Variants in XKR9 observed in about 807,000 individuals in gnomAD.
XKR9 encodes the protein XK-related protein 9.
XKR9 carries 32 observed loss-of-function variants against 32.0 expected under a neutral mutation model. The observed-to-expected ratio is 1.00, with a 90% CI of 0.76 to 1.34. XKR9 has a LOEUF of 1.34. Ranked by LOEUF, XKR9 falls within the 40% of genes most tolerant of loss-of-function variation. XKR9 has a pLI of 0.00. For synonymous variants in XKR9, 168 were observed against 143.4 expected, an observed-to-expected ratio of 1.17 and a Z score of -1.22; for missense variants, 546 against 429.7, an observed-to-expected ratio of 1.27 and a Z score of -2.39.
At chr8:70,949,615 C>T in the XKR9 span, among the ~76,000 whole-genome samples, 5 of 151,284 alleles carry the variant, frequency 3.3e-5, no homozygotes, top group Non-Finnish European at 5.9e-5. Flanking sequence ...TGTTGGGTGG[C>T]GAGGTTTGAT....
chr8:70,857,380 T>C, the XKR9 span, among the ~76,000 whole-genome samples: 1 of 152,038 alleles, frequency 6.6e-6, no homozygotes, highest in Non-Finnish European at 1.5e-5. Context: ...CTAGAAGAAA[T>C]GGATAAATTC....
At chr8:70,716,697 C>T (rs1554549330) in intron 4 of XKR9, among the ~76,000 whole-genome samples, 2 of 152,096 alleles carry the variant, frequency 1.3e-5, no homozygotes, top group Non-Finnish European at 2.9e-5. Context: ...CAAAGCCAAA[C>T]CATATCATTC....
intron 2 of XKR9, among the ~76,000 whole-genome samples, chr8:70,784,022 G>A (rs1232696819): frequency 6.6e-6 from 1 of 152,080 alleles, no homozygotes; most frequent in Non-Finnish European, 1.5e-5. Flanking sequence ...ATATACATGA[G>A]TTTATTTCTG....
chr8:70,924,671 AG>A, the XKR9 span, among the ~76,000 whole-genome samples: 2 of 152,172 alleles, frequency 1.3e-5, no homozygotes, highest in African/African-American at 2.4e-5. Flanking sequence ...ACTGTGGAAA[AG>A]TTTCTCTCCA....
chr8:71,037,400 T>C, the XKR9 span, among the ~76,000 whole-genome samples: 5 of 152,178 alleles, frequency 3.3e-5, no homozygotes, highest in Non-Finnish European at 5.9e-5. Context: ...AGAAGCAAAC[T>C]AGTAGTTAGT....
chr8:70,809,318 A>G, the XKR9 span, among the ~76,000 whole-genome samples: 17 of 152,326 alleles, frequency 1.1e-4, no homozygotes, highest in East Asian at 3.3e-3. Context: ...CAAAGACCAA[A>G]GGTAGATAAA....
chr8:70,681,406 G>A, intron 3 of XKR9, 76 bp downstream of exon 3: 1 of 1,492,894 alleles, frequency 6.7e-7, no homozygotes, highest in Non-Finnish European at 9.0e-7. Flanking sequence ...TCTTATCTGG[G>A]TAGTCAAATG....
the XKR9 span, among the ~76,000 whole-genome samples, chr8:71,050,270 G>GAT: frequency 0.032 from 3,986 of 123,492 alleles, 196 homozygotes; most frequent in African/African-American, 0.11. Context: ...TAGATAGATA[G>GAT]ATAGATATAG....
At chr8:71,036,735 G>A in the XKR9 span, among the ~76,000 whole-genome samples, 1 of 152,066 alleles carries the variant, frequency 6.6e-6, no homozygotes, top group East Asian at 1.9e-4. Context: ...TCTCTGTCTC[G>A]AGCTTTCAGA....
chr8:70,884,612 AGTT>A, the XKR9 span, among the ~76,000 whole-genome samples: 5 of 152,296 alleles, frequency 3.3e-5, no homozygotes, highest in East Asian at 9.6e-4. Context: ...GTGGATGTCC[AGTT>A]GTTCTAGAAC....
At chr8:70,782,878 A>G (rs1372247580) in intron 2 of XKR9, among the ~76,000 whole-genome samples, 1 of 152,200 alleles carries the variant, frequency 6.6e-6, no homozygotes, top group African/African-American at 2.4e-5. Context: ...TAGTGCTGCA[A>G]TAAATGTAGG....
the XKR9 span, among the ~76,000 whole-genome samples, chr8:70,964,522 T>C: frequency 1.3e-5 from 2 of 152,236 alleles, no homozygotes; most frequent in Non-Finnish European, 2.9e-5. Flanking sequence ...GGTAGTTTAA[T>C]AGGAATAGCA....
the XKR9 span, among the ~76,000 whole-genome samples, chr8:70,809,308 C>T: frequency 6.6e-6 from 1 of 152,112 alleles, no homozygotes; most frequent in African/African-American, 2.4e-5. Flanking sequence ...TCACCATCAT[C>T]AAAGACCAAA....
At chr8:70,978,100 C>T in the XKR9 span, among the ~76,000 whole-genome samples, 2 of 152,118 alleles carry the variant, frequency 1.3e-5, no homozygotes, top group African/African-American at 4.8e-5. Context: ...GATCTTCCTC[C>T]ATCCCTTTAT....
chr8:70,815,762 T>A, the XKR9 span, among the ~76,000 whole-genome samples: 5 of 152,062 alleles, frequency 3.3e-5, no homozygotes, highest in Admixed American at 1.3e-4. Context: ...CCTGACCTTG[T>A]GATCCACCCA....
At chr8:71,002,944 T>G in the XKR9 span, among the ~76,000 whole-genome samples, 2 of 152,218 alleles carry the variant, frequency 1.3e-5, no homozygotes, top group African/African-American at 4.8e-5. Context: ...GGAAGGTGTC[T>G]CTTTGGCACC....
chr8:70,681,904 A>G lies in XKR9; in HGVS notation c.272+574A>G, dbSNP rs16937192. 5.3e-3 allele frequency among the ~76,000 whole-genome samples: 799 copies of G among 152,158 alleles called. 9 individuals carry two copies. Among genetic ancestry groups the G allele is most frequent in the African/African-American group, 0.018 (768 of 41,548 alleles). ...CTCCATTATTACTTTAAGTGATTCT[A>G]CTTTTGATTCTGTCCTGTTAAAAAG... On this transcript the variant is annotated intron_variant, in intron 3 of 4. Coordinates refer to ENST00000408926, the MANE Select transcript of XKR9 (RefSeq NM_001011720.2).
At chr8:70,903,805 T>G in the XKR9 span, among the ~76,000 whole-genome samples, 2 of 152,224 alleles carry the variant, frequency 1.3e-5, no homozygotes, top group African/African-American at 4.8e-5. Flanking sequence ...TACACACTGC[T>G]CTAAATATGT....
chr8:70,685,635 C>T (rs78069968), intron 3 of XKR9, among the ~76,000 whole-genome samples: 10,713 of 148,112 alleles, frequency 0.072, 450 homozygotes, highest in Non-Finnish European at 0.088. Context: ...ATTGCAAGGG[C>T]AAAAAACCAA....
Sources: allele counts gnomAD v4.1 joint callset (sites outside exome capture counted in the v4.1 genomes callset), GRCh38; gene constraint gnomAD v4.1.1; transcripts MANE v1.5; gene names NCBI Gene and HGNC (gene_info 2026-07-23, HGNC 2026-07-21).